SLC35F4: variants seen among roughly 807,000 people sequenced by gnomAD.
The protein encoded by SLC35F4 is solute carrier family 35 member F4, also known as chromosome 14 open reading frame 36.
Under a neutral mutation model 44.2 loss-of-function variants are expected in SLC35F4, and 24 were observed. The ratio of observed to expected loss-of-function variants is 0.54; its 90% CI spans 0.39 to 0.76. The LOEUF is 0.76. SLC35F4 is among the 30% of genes least tolerant of loss of function. The pLI is 0.00. For missense variants in SLC35F4, 562 were observed against 586.1 expected (o/e 0.96, Z 0.42); for synonymous variants, 238 against 223.6 (o/e 1.06, Z -0.57).
At chr14:57,584,686 C>T (rs1007575410) in intron 3 of SLC35F4, among the ~76,000 whole-genome samples, 2 of 152,188 alleles carry the variant, frequency 1.3e-5, no homozygotes, top group Non-Finnish European at 2.9e-5. Flanking sequence ...CAGAGTTAGT[C>T]TGACATGAGA....
intron 1 of SLC35F4, among the ~76,000 whole-genome samples, chr14:57,815,029 C>A (rs1262621783): frequency 6.6e-6 from 1 of 152,140 alleles, no homozygotes. Flanking sequence ...TACAGTCATA[C>A]TCATTTGTTC....
intron 1 of SLC35F4, among the ~76,000 whole-genome samples, chr14:57,686,902 C>G (rs1000818537): frequency 6.6e-6 from 1 of 151,994 alleles, no homozygotes; most frequent in African/African-American, 2.4e-5. Context: ...AGTCCTAACT[C>G]TCAGAACCTC....
intron 1 of SLC35F4, among the ~76,000 whole-genome samples, chr14:57,821,742 A>G (rs1418949304): frequency 6.6e-6 from 1 of 152,196 alleles, no homozygotes; most frequent in Non-Finnish European, 1.5e-5. Context: ...GATTTCTAGT[A>G]AGTTGAAAGC....
chr14:57,631,718 T>G (rs2072786352), intron 1 of SLC35F4, among the ~76,000 whole-genome samples: 4 of 152,082 alleles, frequency 2.6e-5, no homozygotes, highest in Admixed American at 1.3e-4. Flanking sequence ...ATCTTCTGAG[T>G]TTTTGATTAT....
intron 1 of SLC35F4, among the ~76,000 whole-genome samples, chr14:57,704,876 A>G (rs1275168628): frequency 6.6e-6 from 1 of 152,192 alleles, no homozygotes; most frequent in African/African-American, 2.4e-5. Flanking sequence ...CTCACCCTGC[A>G]TACAAATTGC....
intron 1 of SLC35F4, among the ~76,000 whole-genome samples, chr14:57,871,677 C>A (rs1186375696): frequency 6.6e-6 from 1 of 152,164 alleles, no homozygotes; most frequent in East Asian, 1.9e-4. Flanking sequence ...AGGCATACCA[C>A]AGGACTGCAC....
intron 1 of SLC35F4, among the ~76,000 whole-genome samples, chr14:57,897,419 TTTA>T (rs1456636187): frequency 6.6e-6 from 1 of 151,820 alleles, no homozygotes; most frequent in Non-Finnish European, 1.5e-5. Context: ...CAAAAAAGGA[TTTA>T]GGGCAAGTAC....
chr14:57,720,998 A>G (rs1456594144), intron 1 of SLC35F4, among the ~76,000 whole-genome samples: 1 of 120,470 alleles, frequency 8.3e-6, no homozygotes, highest in Admixed American at 8.4e-5. Flanking sequence ...ATATATATAT[A>G]TATATATATA....
intron 1 of SLC35F4, among the ~76,000 whole-genome samples, chr14:57,913,691 A>G (rs541747751): frequency 6.6e-6 from 1 of 152,328 alleles, no homozygotes; most frequent in African/African-American, 2.4e-5. Context: ...GTACACTGCT[A>G]TTTTAAACAA....
intron 5 of SLC35F4, among the ~76,000 whole-genome samples, chr14:57,571,133 A>G (rs1173736163): frequency 6.6e-6 from 1 of 152,218 alleles, no homozygotes. Context: ...TCATTGAAAC[A>G]CCAAGAGAGG....
intron 1 of SLC35F4, among the ~76,000 whole-genome samples, chr14:57,637,865 G>A (rs908888755): frequency 5.3e-5 from 8 of 151,954 alleles, no homozygotes; most frequent in Admixed American, 2.6e-4. Context: ...ACTGAGTCTT[G>A]GCCATGATGG....
At chr14:57,826,407 AC>A (rs1883772006) in intron 1 of SLC35F4, among the ~76,000 whole-genome samples, 2 of 152,164 alleles carry the variant, frequency 1.3e-5, no homozygotes, top group Non-Finnish European at 2.9e-5. Flanking sequence ...AACTATAAAA[AC>A]CCTAGAAGAA....
At chr14:57,573,452 G>T (rs184030797) in intron 4 of SLC35F4, among the ~76,000 whole-genome samples, 1 of 152,192 alleles carries the variant, frequency 6.6e-6, no homozygotes, top group African/African-American at 2.4e-5. Context: ...AAGCTGCCGG[G>T]TGTGTGTTCT....
chr14:57,620,139 C>G (rs1436695447), intron 1 of SLC35F4, among the ~76,000 whole-genome samples: 3 of 152,112 alleles, frequency 2.0e-5, no homozygotes, highest in African/African-American at 7.2e-5. Flanking sequence ...TCCAGGAGAA[C>G]TTCCCCAACC....
intron 1 of SLC35F4, among the ~76,000 whole-genome samples, chr14:57,978,178 T>C (rs1881273635): frequency 6.6e-6 from 1 of 152,112 alleles, no homozygotes; most frequent in Non-Finnish European, 1.5e-5. Context: ...CCAAGGCTGA[T>C]CTAGTTGTTT....
intron 1 of SLC35F4, among the ~76,000 whole-genome samples, chr14:57,602,166 TAAAAA>T (rs35032895): frequency 6.9e-6 from 1 of 145,650 alleles, no homozygotes; most frequent in Non-Finnish European, 1.5e-5. Flanking sequence ...GCCTGGATGG[TAAAAA>T]AAAAAAAAAT....
chr14:57,666,710 C>CTTT (rs71104578), intron 1 of SLC35F4, among the ~76,000 whole-genome samples: 1 of 144,086 alleles, frequency 6.9e-6, no homozygotes, highest in Non-Finnish European at 1.5e-5. Context: ...AAAGGAACTT[C>CTTT]TTTTTTTTTT....
At position 57,904,018 on chromosome 14, in the gene SLC35F4, T is replaced by G. The variant is rs572497817; in HGVS notation, n.282+77895A>C. On this transcript the variant is annotated intron_variant and non_coding_transcript_variant, in intron 1 of 1. Coordinates refer to the SLC35F4 transcript ENST00000556568. Reference sequence around the variant, plus strand: ...AAGAAAAGAAAAAAAGTGCTGCTTTTAGAGCTTGTTATTAGCTTGGGAAAG... The same window carrying G: ...AAGAAAAGAAAAAAAGTGCTGCTTTGAGAGCTTGTTATTAGCTTGGGAAAG... Among the ~76,000 whole-genome samples, 6 of 152,376 alleles carry G rather than the reference T, an allele frequency of 3.9e-5. No individual in the cohort carries two copies. The South Asian group carries it at 1.2e-3, about 32-fold the overall frequency.
chr14:57,916,242 C>T (rs975359888), intron 1 of SLC35F4, among the ~76,000 whole-genome samples: 2 of 152,092 alleles, frequency 1.3e-5, no homozygotes, highest in Non-Finnish European at 2.9e-5. Flanking sequence ...TCCACTCCTG[C>T]AATAATCCCA....
Sources: allele counts gnomAD v4.1 joint callset (sites outside exome capture counted in the v4.1 genomes callset), GRCh38; gene constraint gnomAD v4.1.1; transcripts MANE v1.5; gene names NCBI Gene and HGNC (gene_info 2026-07-23, HGNC 2026-07-21).